TCF7L2: variants seen among roughly 807,000 people sequenced by gnomAD.
TCF7L2 encodes transcription factor 7-like 2.
TCF7L2 carries 23 observed loss-of-function variants against 77.9 expected under a neutral mutation model. The observed-to-expected ratio is 0.30, with a 90% CI of 0.21 to 0.42. TCF7L2 has a LOEUF of 0.42. Among genes scored for constraint, TCF7L2 ranks in the 10% least tolerant of loss-of-function variants. TCF7L2 has a pLI of 1.00. For missense variants in TCF7L2, 654 were observed against 793.1 expected (o/e 0.82, Z 2.11); for synonymous variants, 413 against 340.2 (o/e 1.21, Z -2.36).
intron 4 of TCF7L2, among the ~76,000 whole-genome samples, chr10:112,975,761 C>T (rs1181765040): frequency 1.3e-5 from 2 of 152,214 alleles, no homozygotes; most frequent in Admixed American, 6.5e-5. Context: ...GGATTACAGG[C>T]GTGAGCCGCC....
chr10:113,016,487 A>T (rs1590478871), intron 4 of TCF7L2, among the ~76,000 whole-genome samples: 1 of 152,156 alleles, frequency 6.6e-6, no homozygotes, highest in East Asian at 1.9e-4. Flanking sequence ...CTATCGCAGC[A>T]TGTTCTGGAT....
At chr10:112,992,144 A>G (rs978976208) in intron 4 of TCF7L2, among the ~76,000 whole-genome samples, 1 of 152,104 alleles carries the variant, frequency 6.6e-6, no homozygotes, top group Non-Finnish European at 1.5e-5. Context: ...TTGGACTCAG[A>G]GAGCAGTGAA....
At chr10:113,143,116 C>CT (rs1311391950) in intron 6 of TCF7L2, among the ~76,000 whole-genome samples, 2 of 152,254 alleles carry the variant, frequency 1.3e-5, no homozygotes, top group Non-Finnish European at 2.9e-5. Flanking sequence ...CAATTCCTCT[C>CT]TGTCAGAGTG....
intron 5 of TCF7L2, among the ~76,000 whole-genome samples, chr10:113,108,033 C>T (rs992628396): frequency 2.0e-5 from 3 of 150,612 alleles, no homozygotes; most frequent in African/African-American, 2.4e-5. Context: ...TAGGGTCTGT[C>T]GGCTGACCTT....
At chr10:112,951,838 C>T in intron 3 of TCF7L2, 1 of 158,898 alleles carries the variant, frequency 6.3e-6, no homozygotes, top group Non-Finnish European at 1.4e-5. Context: ...TTTCAGTTTG[C>T]TGCCTCGTGA....
At chr10:112,951,065 C>G in intron 1 of TCF7L2, 120 bp downstream of exon 1, 1 of 1,361,132 alleles carries the variant, frequency 7.3e-7, no homozygotes. Context: ...GCGGCGTGTG[C>G]GTACGGTGCC....
intron 13 of TCF7L2, among the ~76,000 whole-genome samples, chr10:113,163,313 G>A (rs1351951577): frequency 6.6e-6 from 1 of 152,172 alleles, no homozygotes; most frequent in Non-Finnish European, 1.5e-5. Flanking sequence ...ATTTTAACAA[G>A]ATTCTGTTTT....
intron 3 of TCF7L2, among the ~76,000 whole-genome samples, chr10:112,955,821 G>A (rs2033408586): frequency 6.6e-6 from 1 of 152,118 alleles, no homozygotes; most frequent in South Asian, 2.1e-4. Flanking sequence ...CTGGATCGCT[G>A]CAGTTCTGCA....
At chr10:113,116,767 A>G (rs1216437799) in intron 5 of TCF7L2, among the ~76,000 whole-genome samples, 1 of 151,880 alleles carries the variant, frequency 6.6e-6, no homozygotes, top group African/African-American at 2.4e-5. Flanking sequence ...TAAATCATAC[A>G]TTTTAATATT....
rs533263108 is a variant in TCF7L2 at position 112,961,262 on chromosome 10, C to G, written c.382-3294C>G. Reference sequence around the variant, plus strand: ...ACTCCCGACCTCAGGTGACCCCCCCCCCCCCAACCTCGGCCTTCCAAAGCG... The same window carrying G: ...ACTCCCGACCTCAGGTGACCCCCCCGCCCCCAACCTCGGCCTTCCAAAGCG... On this transcript the variant is annotated intron_variant, in intron 3 of 13. Coordinates refer to ENST00000627217, the MANE Select transcript of TCF7L2 (RefSeq NM_001146274.2). 3.1e-5 allele frequency among the ~76,000 whole-genome samples: 4 copies of G among 130,864 alleles called. 1 individual carries two copies. The highest frequency in any genetic ancestry group is 5.1e-4 in the East Asian group (2 of 3,902). 85.9% of individuals were successfully genotyped at this position (130,864 alleles called of 152,430 possible). A position where few individuals can be genotyped will look rare whatever the true frequency, so the allele number is the denominator to read the frequency against.
intron 3 of TCF7L2, among the ~76,000 whole-genome samples, chr10:112,952,613 G>A (rs977414410): frequency 6.6e-6 from 1 of 152,202 alleles, no homozygotes; most frequent in Non-Finnish European, 1.5e-5. Flanking sequence ...TGGGCCCCAG[G>A]GGGGCCAGAG....
At chr10:113,014,029 C>T (rs752485998) in intron 4 of TCF7L2, among the ~76,000 whole-genome samples, 5 of 152,128 alleles carry the variant, frequency 3.3e-5, no homozygotes, top group Non-Finnish European at 4.4e-5. Context: ...AAAAGGGGTC[C>T]CTGCGCTGTC....
intron 5 of TCF7L2, among the ~76,000 whole-genome samples, chr10:113,092,521 C>G (rs1419294046): frequency 1.3e-5 from 2 of 152,158 alleles, no homozygotes; most frequent in Non-Finnish European, 2.9e-5. Flanking sequence ...TGGAGTAGCT[C>G]AGTTATGTGT....
At chr10:113,125,256 G>C (rs2065397305) in intron 5 of TCF7L2, among the ~76,000 whole-genome samples, 2 of 148,492 alleles carry the variant, frequency 1.3e-5, no homozygotes, top group South Asian at 4.2e-4. Context: ...AAAAAAAAAA[G>C]TCGTCTTTTT....
intron 4 of TCF7L2, among the ~76,000 whole-genome samples, chr10:113,029,511 T>C (rs548001217): frequency 4.0e-5 from 6 of 151,806 alleles, no homozygotes; most frequent in African/African-American, 1.4e-4. Context: ...GACTCTGTCT[T>C]CTCTCCATTC....
At chr10:112,961,469 A>G (rs987883266) in intron 3 of TCF7L2, among the ~76,000 whole-genome samples, 11 of 152,278 alleles carry the variant, frequency 7.2e-5, no homozygotes, top group Non-Finnish European at 1.6e-4. Context: ...TCCAGTTTAG[A>G]ATGCCAGGAG....
At chr10:113,116,056 GCTTT>G (rs1399882320) in intron 5 of TCF7L2, among the ~76,000 whole-genome samples, 1 of 152,078 alleles carries the variant, frequency 6.6e-6, no homozygotes, top group Non-Finnish European at 1.5e-5. Flanking sequence ...ACTATGGTAG[GCTTT>G]CTAAGAAAAG....
At chr10:113,073,855 C>T (rs2058388707) in intron 5 of TCF7L2, among the ~76,000 whole-genome samples, 1 of 152,214 alleles carries the variant, frequency 6.6e-6, no homozygotes, top group Admixed American at 6.5e-5. Context: ...GCGGCCTGGA[C>T]GACTCCATGT....
chr10:113,036,223 G>C lies in TCF7L2; in HGVS notation c.451-3802G>C, dbSNP rs1435834551. ...AATTTATACAGAGCCCCCAGTAGCA[G>C]CTGTAAGGGGGCAGGTTCTTGGAGC... On this transcript the variant is annotated intron_variant, in intron 4 of 13. Transcript: ENST00000627217. Among the ~76,000 whole-genome samples the C allele has an allele frequency of 2.6e-5, 4 of 152,000 alleles. No homozygotes were observed. The South Asian group carries it at 8.3e-4, about 32-fold the overall frequency.
Sources: gnomAD v4.1 joint callset for allele counts (sites outside exome capture counted in the v4.1 genomes callset) on GRCh38, gnomAD v4.1.1 for gene constraint, MANE v1.5 for transcripts, NCBI Gene and HGNC (gene_info 2026-07-23, HGNC 2026-07-21) for gene names.